Variants in FERMT2 observed in about 807,000 individuals in gnomAD.
FERMT2 encodes FERM domain containing kindlin 2, also known as fermitin family homolog 2.
In FERMT2, 15 loss-of-function variants were observed where a neutral mutation model predicts 82.7. That is an observed-to-expected ratio of 0.18 (90% CI 0.12 to 0.28). The LOEUF (loss-of-function observed/expected upper bound fraction) is 0.28. Ranked by LOEUF, FERMT2 falls within the 10% of genes least tolerant of loss-of-function variation. The probability of loss-of-function intolerance (pLI) is 1.00; values close to 1 mark genes in which losing one functional copy is unlikely to be tolerated. For synonymous variants in FERMT2, 274 were observed against 271.5 expected (o/e 1.01, Z -0.09); for missense variants, 645 against 809.4 (o/e 0.80, Z 2.46).
At chr14:52,931,102 C>CAGGTGTATAAT (rs1008565162) in intron 2 of FERMT2, among the ~76,000 whole-genome samples, 4 of 152,048 alleles carry the variant, frequency 2.6e-5, no homozygotes, top group Non-Finnish European at 4.4e-5. Context: ...TGTGGCTCTT[C>CAGGTGTATAAT]AGGTGTATAA....
At position 52,941,369 on chromosome 14, in the gene FERMT2, A is replaced by G. The variant is rs555860026; in HGVS notation, c.157+9043T>C. ...CTTGACTGTGGTAGTTTTACATGTC[A>G]AAACTCAGAATATTATACTAAGAAG... On this transcript the variant is annotated intron_variant, in intron 2 of 14. Transcript: ENST00000341590. Among the ~76,000 whole-genome samples the G allele has an allele frequency of 2.6e-5, 4 of 152,342 alleles. No homozygotes were observed. In the East Asian group the frequency reaches 7.7e-4, roughly 29 times the overall value.
intron 2 of FERMT2, among the ~76,000 whole-genome samples, chr14:52,926,771 G>A (rs1265533794): frequency 2.0e-5 from 3 of 151,842 alleles, no homozygotes; most frequent in East Asian, 1.9e-4. Context: ...CCTTCTCTGG[G>A]GAAGAAAAGG....
At chr14:52,922,154 T>C (rs1236327841) in intron 2 of FERMT2, among the ~76,000 whole-genome samples, 2 of 152,164 alleles carry the variant, frequency 1.3e-5, no homozygotes, top group East Asian at 1.9e-4. Context: ...CAACTGGAGG[T>C]TCCTCACTGC....
In FERMT2 at chr14:52,878,545, A is replaced by AC. The variant is rs747687246; in HGVS notation, c.963+36dup. ...GTTTAAAAATACCTCCCTACCCTTT[A>AC]CCGGAATAAGTCCCATTTACTAGAC... On this transcript the variant is annotated intron_variant, in intron 7 of 14. Transcript: ENST00000341590. 24 of 1,255,416 alleles carry AC rather than the reference A, an allele frequency of 1.9e-5. 1 individual carries two copies. The South Asian group carries it at 3.1e-4, about 16-fold the overall frequency. 77.8% of individuals were successfully genotyped at this position (1,255,416 alleles called of 1,614,324 possible).
chr14:52,910,983 T>G (rs8017333), intron 3 of FERMT2, among the ~76,000 whole-genome samples: 7,774 of 152,218 alleles, frequency 0.051, 670 homozygotes, highest in African/African-American at 0.18. Flanking sequence ...TCCAAAATAA[T>G]TAACAGAAAA....
At chr14:52,940,517 A>C (rs1221781064) in intron 2 of FERMT2, among the ~76,000 whole-genome samples, 1 of 152,220 alleles carries the variant, frequency 6.6e-6, no homozygotes, top group African/African-American at 2.4e-5. Flanking sequence ...CCTTTAATCC[A>C]CAAGAGTATG....
At chr14:52,877,581 T>TTTTC (rs1886044774) in intron 7 of FERMT2, among the ~76,000 whole-genome samples, 1 of 138,816 alleles carries the variant, frequency 7.2e-6, no homozygotes, top group South Asian at 2.4e-4. Flanking sequence ...TTGCTTTTTT[T>TTTTC]TTTTTTTTTT....
At chr14:52,948,742 A>G (rs1890477394) in intron 2 of FERMT2, among the ~76,000 whole-genome samples, 1 of 152,184 alleles carries the variant, frequency 6.6e-6, no homozygotes, top group Non-Finnish European at 1.5e-5. Flanking sequence ...AGAAACCATT[A>G]TTTATTCATT....
intron 2 of FERMT2, among the ~76,000 whole-genome samples, chr14:52,932,989 A>G (rs1257670494): frequency 6.6e-6 from 1 of 152,128 alleles, no homozygotes; most frequent in East Asian, 1.9e-4. Context: ...TAGCGTTATT[A>G]TTAATCAACA....
chr14:52,947,489 A>AAAATAAAT (rs537981892), intron 2 of FERMT2, among the ~76,000 whole-genome samples: 3 of 152,156 alleles, frequency 2.0e-5, no homozygotes, highest in Admixed American at 6.5e-5. Context: ...CAAAAAGTAA[A>AAAATAAAT]AAATAAATAA....
intron 12 of FERMT2, 32 bp downstream of exon 12, chr14:52,864,369 G>C (rs751423329): frequency 9.3e-6 from 14 of 1,507,470 alleles, no homozygotes; most frequent in South Asian, 2.3e-5. Context: ...AAACAAACCA[G>C]CACAGTAGAT....
chr14:52,914,582 G>C (rs1451600980), intron 3 of FERMT2, among the ~76,000 whole-genome samples: 1 of 152,106 alleles, frequency 6.6e-6, no homozygotes, highest in Non-Finnish European at 1.5e-5. Flanking sequence ...GAAAGGAAGA[G>C]AGAAAAGTTA....
At chr14:52,904,324 C>T (rs763466763) in intron 3 of FERMT2, among the ~76,000 whole-genome samples, 8 of 152,246 alleles carry the variant, frequency 5.3e-5, no homozygotes, top group Non-Finnish European at 1.2e-4. Flanking sequence ...GGAGACCAGC[C>T]TGGCCAACGT....
intron 3 of FERMT2, among the ~76,000 whole-genome samples, chr14:52,900,888 C>T (rs1887583452): frequency 6.6e-6 from 1 of 152,034 alleles, no homozygotes; most frequent in South Asian, 2.1e-4. Flanking sequence ...TTTGAAAAAG[C>T]TTGCTCAATA....
chr14:52,917,848 G>C (rs563780828), intron 3 of FERMT2, among the ~76,000 whole-genome samples: 2 of 152,320 alleles, frequency 1.3e-5, no homozygotes, highest in South Asian at 4.1e-4. Flanking sequence ...ATAAGCAGCA[G>C]GCAGGGCTCT....
At position 52,939,739 on chromosome 14, in the gene FERMT2, A is replaced by G. The variant is rs114492119; in HGVS notation, c.157+10673T>C. Among the ~76,000 whole-genome samples the G allele has an allele frequency of 3.8e-3, 585 of 152,314 alleles. 2 individuals carry two copies. The highest frequency in any genetic ancestry group is 0.012 in the African/African-American group (516 of 41,576). On this transcript the variant is annotated intron_variant, in intron 2 of 14. Coordinates refer to ENST00000341590, the MANE Select transcript of FERMT2 (RefSeq NM_006832.3). ...CTATGCTCCATACCAAGGGCATTCC[A>G]TCTTGGCAACAGAAATCATTGCCAC...
intron 3 of FERMT2, among the ~76,000 whole-genome samples, chr14:52,915,358 C>G: frequency 6.6e-6 from 1 of 152,142 alleles, no homozygotes; most frequent in East Asian, 1.9e-4. Flanking sequence ...GGTACTTGCT[C>G]TATCAGATAT....
intron 2 of FERMT2, among the ~76,000 whole-genome samples, chr14:52,927,084 C>T (rs1274715732): frequency 2.0e-5 from 3 of 151,996 alleles, no homozygotes; most frequent in Admixed American, 6.6e-5. Context: ...AAATATCCTC[C>T]CTCAACTGTA....
intron 2 of FERMT2, among the ~76,000 whole-genome samples, chr14:52,935,235 G>A (rs1220933675): frequency 6.6e-6 from 1 of 152,090 alleles, no homozygotes; most frequent in South Asian, 2.1e-4. Context: ...AAACTTCAAA[G>A]TTTACATATC....
Sources: gnomAD v4.1 joint callset for allele counts (sites outside exome capture counted in the v4.1 genomes callset) on GRCh38, gnomAD v4.1.1 for gene constraint, MANE v1.5 for transcripts, NCBI Gene and HGNC (gene_info 2026-07-23, HGNC 2026-07-21) for gene names.